CNTLN: variants seen among roughly 807,000 people sequenced by gnomAD.
CNTLN encodes centlein, centrosomal protein.
Under a neutral mutation model 180.0 loss-of-function variants are expected in CNTLN, and 212 were observed. That is an observed-to-expected ratio of 1.18 (90% CI 1.05 to 1.32). CNTLN has a LOEUF of 1.32. Ranked by LOEUF, CNTLN falls within the 40% of genes most tolerant of loss-of-function variation. The pLI is 0.00. For missense variants in CNTLN, 2,095 were observed against 1,610.9 expected, an observed-to-expected ratio of 1.30 and a Z score of -5.14; for synonymous variants, 722 against 563.1, an observed-to-expected ratio of 1.28 and a Z score of -3.99.
intron 6 of CNTLN, among the ~76,000 whole-genome samples, chr9:17,288,195 C>G (rs1360735579): frequency 8.2e-6 from 1 of 122,462 alleles, no homozygotes; most frequent in Non-Finnish European, 1.6e-5. Flanking sequence ...CCCAGAGATT[C>G]TGGTATGTTG....
chr9:17,428,857 G>A (rs936076349), intron 18 of CNTLN, among the ~76,000 whole-genome samples: 8 of 151,854 alleles, frequency 5.3e-5, no homozygotes, highest in African/African-American at 1.7e-4. Context: ...AATCAGAATA[G>A]CATATATATT....
chr9:17,458,748 G>A (rs868199654), intron 19 of CNTLN, among the ~76,000 whole-genome samples: 76 of 151,900 alleles, frequency 5.0e-4, no homozygotes, highest in African/African-American at 1.7e-3. Flanking sequence ...CTAGCATTGG[G>A]ATTCTTCTTG....
At chr9:17,312,940 G>T (rs1819307867) in intron 8 of CNTLN, among the ~76,000 whole-genome samples, 1 of 152,068 alleles carries the variant, frequency 6.6e-6, no homozygotes, top group African/African-American at 2.4e-5. Context: ...TCACATAATT[G>T]TAGATTTTTG....
intron 5 of CNTLN, among the ~76,000 whole-genome samples, chr9:17,255,556 G>A (rs1016264729): frequency 6.6e-6 from 1 of 151,672 alleles, no homozygotes; most frequent in Non-Finnish European, 1.5e-5. Flanking sequence ...GTCATGTTAT[G>A]TAACCTTTTT....
At position 17,135,075 on chromosome 9, in the gene CNTLN, C is replaced by G. The variant is rs774016559; in HGVS notation, c.10C>G (p.Arg4Gly). Residue 4 changes from arginine to glycine, a missense_variant, in exon 1 of 26, where the codon CGT becomes GGT. Transcript: ENST00000380647. The part of the protein sequence containing the change: MAA[R>G]SPPSPHPSPP... ...GTTAGCAGCCGCAGCCATGGCGGCG[C>G]GTTCGCCTCCCTCACCGCACCCTTC... is the stretch of plus-strand genomic sequence containing the variant. The G allele has an allele frequency of 2.5e-6, 4 of 1,597,794 alleles. No individual in the cohort carries two copies. Among genetic ancestry groups the G allele is most frequent in the Non-Finnish European group, 3.4e-6 (4 of 1,176,032 alleles).
At chr9:17,220,015 A>G (rs765491377) in intron 2 of CNTLN, among the ~76,000 whole-genome samples, 10 of 152,056 alleles carry the variant, frequency 6.6e-5, no homozygotes, top group African/African-American at 1.9e-4. Flanking sequence ...TAGGGCCTCA[A>G]TATATGAATT....
intron 14 of CNTLN, 122 bp from the exon 15 acceptor site, chr9:17,394,412 G>C: frequency 1.3e-6 from 1 of 797,354 alleles, no homozygotes; most frequent in Non-Finnish European, 1.9e-6. Context: ...TAGAAATTAA[G>C]TACTTTATAT....
In CNTLN at chr9:17,373,050, C is replaced by G. The variant is rs925255549; in HGVS notation, c.1987+6333C>G. Among the ~76,000 whole-genome samples the G allele has an allele frequency of 4.6e-5, 7 of 152,114 alleles. No homozygotes were observed. The East Asian group carries it at 1.4e-3, about 29-fold the overall frequency. ...ATATTGAATCAGGAAAAACTGAAAG[C>G]TTTTCCTTTAAGATTTGGAACGTGA... On this transcript the variant is annotated intron_variant, in intron 13 of 25. Coordinates refer to ENST00000380647, the MANE Select transcript of CNTLN (RefSeq NM_017738.4).
At chr9:17,380,159 A>G (rs1587831987) in intron 13 of CNTLN, among the ~76,000 whole-genome samples, 1 of 152,354 alleles carries the variant, frequency 6.6e-6, no homozygotes, top group Non-Finnish European at 1.5e-5. Context: ...CAAGTGGATC[A>G]ACATAGAAAT....
chr9:17,366,865 C>T (rs1222474444), intron 13 of CNTLN, 148 bp downstream of exon 13: 3 of 526,222 alleles, frequency 5.7e-6, no homozygotes, highest in Admixed American at 3.9e-5. Flanking sequence ...CATTTTCATC[C>T]TGAGAAAATT....
intron 8 of CNTLN, among the ~76,000 whole-genome samples, chr9:17,317,137 C>T (rs1225090272): frequency 1.3e-5 from 2 of 151,516 alleles, no homozygotes; most frequent in Admixed American, 1.3e-4. Flanking sequence ...ATTATTGTTC[C>T]TTTGTATATG....
chr9:17,404,460 G>A (rs576462042), intron 15 of CNTLN, among the ~76,000 whole-genome samples: 1 of 151,732 alleles, frequency 6.6e-6, no homozygotes, highest in Non-Finnish European at 1.5e-5. Flanking sequence ...GGTCTGTAGA[G>A]GTAGACGCTG....
chr9:17,211,765 C>A (rs1352902755), intron 2 of CNTLN, among the ~76,000 whole-genome samples: 1 of 151,982 alleles, frequency 6.6e-6, no homozygotes, highest in African/African-American at 2.4e-5. Context: ...TGAAGAGGTC[C>A]TTCACATCCC....
intron 25 of CNTLN, among the ~76,000 whole-genome samples, chr9:17,497,842 A>G (rs1237068401): frequency 6.6e-6 from 1 of 152,210 alleles, no homozygotes; most frequent in African/African-American, 2.4e-5. Context: ...CTACAAGATA[A>G]CAGAGTGGAT....
Position 17,185,775 on chromosome 9 carries a change from G to GTGTGTGTGTGTGTGTA in CNTLN, c.450-40413_450-40412insATGTGTGTGTGTGTGT, listed in dbSNP as rs1314355253. On this transcript the variant is annotated intron_variant, in intron 2 of 25. Coordinates refer to ENST00000380647, the MANE Select transcript of CNTLN (RefSeq NM_017738.4). ...GCTTTTTGAAATGTTTCCCATTTGT[G>GTGTGTGTGTGTGTGTA]TGTGTGTGTGTGTGTGTGTGTGTGT... 3.3e-5 allele frequency among the ~76,000 whole-genome samples: 5 copies of GTGTGTGTGTGTGTGTA among 150,742 alleles called. No individual in the cohort carries two copies. In the East Asian group the frequency reaches 9.8e-4, roughly 30 times the overall value.
chr9:17,359,425 G>A (rs567332215), intron 12 of CNTLN, among the ~76,000 whole-genome samples: 87 of 151,920 alleles, frequency 5.7e-4, no homozygotes, highest in African/African-American at 2.0e-3. Context: ...ACCATTAAAC[G>A]AATTAAAAGG....
intron 13 of CNTLN, among the ~76,000 whole-genome samples, chr9:17,374,347 A>AAAT (rs1564043722): frequency 6.6e-6 from 1 of 152,242 alleles, no homozygotes; most frequent in African/African-American, 2.4e-5. Context: ...TACCATTTGC[A>AAAT]AATAGATATA....
At chr9:17,264,210 T>C (rs1333681745) in intron 5 of CNTLN, among the ~76,000 whole-genome samples, 2 of 144,236 alleles carry the variant, frequency 1.4e-5, no homozygotes, top group African/African-American at 5.4e-5. Flanking sequence ...CATCTTGAAT[T>C]GATTTTTGTA....
chr9:17,165,423 G>GC (rs975048648), intron 2 of CNTLN, among the ~76,000 whole-genome samples: 13 of 152,320 alleles, frequency 8.5e-5, no homozygotes, highest in Non-Finnish European at 1.8e-4. Flanking sequence ...CTAGAATGAT[G>GC]TAAGGTGAAT....
Sources: gnomAD v4.1 joint callset for allele counts (sites outside exome capture counted in the v4.1 genomes callset) on GRCh38, gnomAD v4.1.1 for gene constraint, MANE v1.5 for transcripts, NCBI Gene and HGNC (gene_info 2026-07-23, HGNC 2026-07-21) for gene names.